Variants in LINGO1 observed in about 807,000 individuals in gnomAD.
The protein encoded by LINGO1 is leucine-rich repeat and immunoglobulin-like domain-containing nogo receptor-interacting protein 1.
A neutral mutation model predicts 37.3 loss-of-function variants in LINGO1; 11 were observed. The observed-to-expected ratio is 0.29, with a 90% CI of 0.19 to 0.49. The LOEUF is 0.49. LINGO1 is among the 20% of genes least tolerant of loss of function. The pLI, the probability that LINGO1 is intolerant of heterozygous loss-of-function variation, is 0.99. For synonymous variants in LINGO1, 387 were observed against 403.0 expected (o/e 0.96, Z 0.48); for missense variants, 585 against 878.2 (o/e 0.67, Z 4.22).
chr15:77,777,264 TG>T (rs11367794), intron 1 of LINGO1, among the ~76,000 whole-genome samples: 87,190 of 151,822 alleles, frequency 0.57, 25,075 homozygotes, highest in South Asian at 0.62. Flanking sequence ...GTTATCATGG[TG>T]GGGGGGTCCA....
chr15:77,665,457 C>G (rs908991676), intron 3 of LINGO1, among the ~76,000 whole-genome samples: 1 of 152,234 alleles, frequency 6.6e-6, no homozygotes, highest in Non-Finnish European at 1.5e-5. Flanking sequence ...CTGCCTGGGC[C>G]TCAGTCTCTC....
chr15:77,631,620 C>T (rs1451558324), intron 1 of LINGO1, among the ~76,000 whole-genome samples: 1 of 152,094 alleles, frequency 6.6e-6, no homozygotes, highest in Non-Finnish European at 1.5e-5. Context: ...CTCTTCTCAG[C>T]TGGTTCCCAC....
intron 1 of LINGO1, among the ~76,000 whole-genome samples, chr15:77,761,274 T>C (rs564645463): frequency 2.0e-5 from 3 of 152,100 alleles, no homozygotes; most frequent in South Asian, 4.2e-4. Flanking sequence ...AACCAAAAAT[T>C]TGCTCCAGTG....
At chr15:77,804,979 AC>A (rs540458993) in intron 1 of LINGO1, among the ~76,000 whole-genome samples, 179 of 151,578 alleles carry the variant, frequency 1.2e-3, no homozygotes, top group African/African-American at 4.1e-3. Flanking sequence ...CTCAGTGCCC[AC>A]CCCCCCAACT....
intron 1 of LINGO1, among the ~76,000 whole-genome samples, chr15:77,814,004 C>A (rs1302125300): frequency 6.6e-6 from 1 of 152,104 alleles, no homozygotes; most frequent in East Asian, 1.9e-4. Context: ...AGGAAGCCCC[C>A]CCAATCTCAG....
At chr15:77,767,096 T>C (rs1211179351) in intron 1 of LINGO1, among the ~76,000 whole-genome samples, 1 of 152,128 alleles carries the variant, frequency 6.6e-6, no homozygotes, top group East Asian at 1.9e-4. Flanking sequence ...TCAAAAACTT[T>C]TCCAGAGCAA....
chr15:77,648,029 A>G, intron 3 of LINGO1: 4 of 422,538 alleles, frequency 9.5e-6, no homozygotes, highest in South Asian at 7.0e-5. Context: ...AGACATCCGG[A>G]AAGGAAAGGG....
chr15:77,809,418 T>A (rs2076985387), intron 1 of LINGO1, among the ~76,000 whole-genome samples: 1 of 152,190 alleles, frequency 6.6e-6, no homozygotes, highest in African/African-American at 2.4e-5. Flanking sequence ...GTTTCCTCAT[T>A]TGTAAAATGG....
chr15:77,750,071 C>A (rs528631248), intron 1 of LINGO1, among the ~76,000 whole-genome samples: 149 of 152,218 alleles, frequency 9.8e-4, no homozygotes, highest in African/African-American at 3.4e-3. Context: ...ATGACTCCCC[C>A]TCACCCACCC....
intron 2 of LINGO1, among the ~76,000 whole-genome samples, chr15:77,710,287 C>A (rs1469893556): frequency 6.6e-6 from 1 of 152,212 alleles, no homozygotes; most frequent in Non-Finnish European, 1.5e-5. Flanking sequence ...GCCAAGCTTG[C>A]CAGCCCAGGC....
chr15:77,760,914 A>ATTTTTTTT (rs2076469492), intron 1 of LINGO1, among the ~76,000 whole-genome samples: 1 of 105,678 alleles, frequency 9.5e-6, no homozygotes, highest in African/African-American at 4.3e-5. Flanking sequence ...GTTAATAAGT[A>ATTTTTTTT]TCTTTTTTTT....
intron 1 of LINGO1, among the ~76,000 whole-genome samples, chr15:77,739,590 C>T (rs1038980127): frequency 6.6e-6 from 1 of 152,196 alleles, no homozygotes; most frequent in Non-Finnish European, 1.5e-5. Context: ...TTGGTGAGGT[C>T]AGGGCTGGGT....
intron 1 of LINGO1, among the ~76,000 whole-genome samples, chr15:77,809,304 C>T (rs1022198305): frequency 1.3e-5 from 2 of 152,200 alleles, no homozygotes; most frequent in African/African-American, 2.4e-5. Flanking sequence ...AGGATGAGAG[C>T]AGAAACCAGG....
chr15:77,805,248 G>A (rs2076950684), intron 1 of LINGO1, among the ~76,000 whole-genome samples: 1 of 152,198 alleles, frequency 6.6e-6, no homozygotes, highest in Non-Finnish European at 1.5e-5. Context: ...AGCCACCTGA[G>A]CCTCAGTTTC....
At chr15:77,629,105 C>G (rs541479214) in intron 1 of LINGO1, among the ~76,000 whole-genome samples, 1 of 152,328 alleles carries the variant, frequency 6.6e-6, no homozygotes, top group Admixed American at 6.5e-5. Context: ...GATTAAGTAA[C>G]TTGCCCAAAG....
chr15:77,650,823 A>G (rs999315216), intron 3 of LINGO1, among the ~76,000 whole-genome samples: 1 of 151,978 alleles, frequency 6.6e-6, no homozygotes, highest in Non-Finnish European at 1.5e-5. Flanking sequence ...AGGTGATGGG[A>G]TAAGGACTGA....
At chr15:77,637,416 G>A (rs2074417087), upstream of LINGO1, among the ~76,000 whole-genome samples, 1 of 152,160 alleles carries the variant, frequency 6.6e-6, no homozygotes, top group African/African-American at 2.4e-5. The surrounding 1 kb of genome is among the most constrained non-coding windows in gnomAD (Gnocchi z 4.6). Context: ...TCCCCTTCCA[G>A]TTCAGGTCCC....
intron 2 of LINGO1, among the ~76,000 whole-genome samples, chr15:77,725,001 G>A (rs1371539294): frequency 6.6e-6 from 1 of 152,244 alleles, no homozygotes; most frequent in African/African-American, 2.4e-5. Flanking sequence ...AGGCCTCCCA[G>A]TGCTGGTCAC....
At chr15:77,631,275 T>C (rs1044787247) in intron 1 of LINGO1, among the ~76,000 whole-genome samples, 2 of 152,132 alleles carry the variant, frequency 1.3e-5, no homozygotes, top group Admixed American at 1.3e-4. Context: ...AGGAAGGGGC[T>C]GTCCAGATGC....
Sources: gnomAD v4.1 joint callset for allele counts (sites outside exome capture counted in the v4.1 genomes callset) on GRCh38, gnomAD v4.1.1 for gene constraint, Gnocchi (gnomAD v3.1) non-coding constraint, MANE v1.5 for transcripts, NCBI Gene and HGNC (gene_info 2026-07-23, HGNC 2026-07-21) for gene names.